Variants in WDR62 observed in about 807,000 individuals in gnomAD.
WDR62 encodes WD repeat-containing protein 62.
Under a neutral mutation model 160.6 loss-of-function variants are expected in WDR62, and 112 were observed. That is an observed-to-expected ratio of 0.70 (90% CI 0.60 to 0.82). The LOEUF is 0.82. Ranked by LOEUF, WDR62 falls within the 40% of genes least tolerant of loss-of-function variation. The probability of loss-of-function intolerance (pLI) is 0.00; values close to 1 mark genes in which losing one functional copy is unlikely to be tolerated. For synonymous variants in WDR62, 792 were observed against 815.1 expected, an observed-to-expected ratio of 0.97 and a Z score of 0.48; for missense variants, 1,819 against 1,983.8, an observed-to-expected ratio of 0.92 and a Z score of 1.58.
chr19:36,084,860 G>A (rs1226574073), intron 12 of WDR62, 116 bp downstream of exon 12: 1 of 996,338 alleles, frequency 1.0e-6, no homozygotes, highest in East Asian at 2.5e-5. Flanking sequence ...TGGGAGTTTT[G>A]TGTTCGGTAA....
At chr19:36,059,930 TC>T in intron 2 of WDR62, 37 bp from the exon 3 acceptor site, 1 of 1,611,110 alleles carries the variant, frequency 6.2e-7, no homozygotes, top group Non-Finnish European at 8.5e-7. Flanking sequence ...ACCCCAACAC[TC>T]CCCACAGTTG....
chr19:36,104,931 C>T lies in WDR62; in HGVS notation c.4475C>T (p.Thr1492Met), dbSNP rs781488619. 4.7e-5 allele frequency: 76 copies of T among 1,608,784 alleles called. No individual in the cohort carries two copies. The South Asian group carries it at 6.4e-4, about 14-fold the overall frequency. ...LPSPGPPSPP[T>M]LYPLASPDLQ... is the part of the protein sequence containing the mutation. The stretch of plus-strand genomic sequence containing the variant: ...AGCCCAGGACCCCCGTCCCCACCGA[C>T]GCTGTACCCCCTGGCCAGCCCAGAC... The change falls in exon 32 of 32, where the codon ACG becomes ATG. Residue 1492 changes from threonine (T) to methionine (M), a missense_variant. Transcript: ENST00000401500.
chr19:36,093,959 G>A, intron 19 of WDR62, 72 bp from the exon 20 acceptor site: 3 of 1,590,154 alleles, frequency 1.9e-6, no homozygotes, highest in South Asian at 1.1e-5. Flanking sequence ...ACAGGGCCCA[G>A]CCCTAGGCAA....
intron 3 of WDR62, chr19:36,061,948 C>CT (rs113899978): frequency 0.012 from 1,764 of 145,174 alleles, 44 homozygotes; most frequent in African/African-American, 0.041. Context: ...GCTTTTTTTT[C>CT]TTTTTTTTTT....
rs587784554 is a variant in WDR62 at position 36,102,854 on chromosome 19, A to G, written c.3335+3A>G. The G allele has an allele frequency of 2.5e-5, 40 of 1,614,072 alleles. No individual in the cohort carries two copies. Among genetic ancestry groups the G allele is most frequent in the Non-Finnish European group, 3.4e-5 (40 of 1,180,020 alleles). ...TCAAGCCTCCAGAAGGCATCCAGGT[A>G]GAAGCTGGCCAAGCACTGCCCACCC... On this transcript the variant is annotated splice_donor_region_variant and intron_variant, in intron 27 of 31. Coordinates refer to ENST00000401500, the MANE Select transcript of WDR62 (RefSeq NM_001083961.2).
Position 36,103,631 on chromosome 19 carries a change from T to C in WDR62, c.3803T>C (p.Ile1268Thr). ...LASLGQELQA[I>T]TTATTPSLDS... is the part of the protein sequence containing the mutation. ...TCCTTGGGCCAGGAGCTTCAGGCCA[T>C]CACCACCGCGACAACACCCAGTTTG... Residue 1268 changes from isoleucine to threonine, a missense_variant, in exon 30 of 32, where the codon ATC becomes ACC. Around this residue, in one of 3 missense-constraint regions of WDR62, gnomAD observed 770 missense variants for 734.2 expected, o/e 1.05. Coordinates refer to ENST00000401500, the MANE Select transcript of WDR62 (RefSeq NM_001083961.2). 1 of 1,609,014 alleles carries C rather than the reference T, an allele frequency of 6.2e-7. No individual in the cohort carries two copies. Among genetic ancestry groups the C allele is most frequent in the Non-Finnish European group, 8.5e-7 (1 of 1,179,222 alleles).
intron 6 of WDR62, 99 bp downstream of exon 6, chr19:36,067,542 C>G (rs1057452697): frequency 6.4e-7 from 1 of 1,568,836 alleles, no homozygotes; most frequent in African/African-American, 1.3e-5. Flanking sequence ...GGGCAGCGGT[C>G]TCGGGCCATT....
At chr19:36,107,920 C>T (rs1973743053), downstream of WDR62, among the ~76,000 whole-genome samples, 1 of 152,108 alleles carries the variant, frequency 6.6e-6, no homozygotes, top group South Asian at 2.1e-4. Flanking sequence ...AGAAAGATGA[C>T]AGCATGCTTA....
chr19:36,101,451 C>A, intron 24 of WDR62, 134 bp downstream of exon 24: 2 of 914,210 alleles, frequency 2.2e-6, no homozygotes, highest in Non-Finnish European at 3.5e-6. Context: ...GTCCCTGCTG[C>A]TGCCTGAGGA....
Position 36,099,300 on chromosome 19 carries a change from G to A in WDR62, c.2521-99G>A. The A allele has an allele frequency of 5.7e-6, 5 of 883,266 alleles. No individual in the cohort carries two copies. In the South Asian group the frequency reaches 6.9e-5, roughly 12 times the overall value. The allele number at this position is 883,266 out of a possible 1,614,324, so 54.7% of individuals were successfully genotyped here. A position where few individuals can be genotyped will look rare whatever the true frequency, so the allele number is the denominator to read the frequency against. Reference sequence around the variant, plus strand: ...CTGGAAGTTGTTTCTGAATGGTATTGAAAGCCAAGAGTCCAGATGGGCTGT... The same window carrying A: ...CTGGAAGTTGTTTCTGAATGGTATTAAAAGCCAAGAGTCCAGATGGGCTGT... On this transcript the variant is annotated intron_variant, in intron 21 of 31. Coordinates refer to ENST00000401500, the MANE Select transcript of WDR62 (RefSeq NM_001083961.2).
intron 21 of WDR62, 54 bp from the exon 22 acceptor site, chr19:36,099,345 C>T (rs944048085): frequency 1.2e-4 from 188 of 1,507,718 alleles, no homozygotes; most frequent in Non-Finnish European, 1.6e-4. Flanking sequence ...CCGTGTCGCT[C>T]CCTGCAGTGA....
In WDR62 at chr19:36,103,359, C is replaced by T. The variant is rs140772267; in HGVS notation, c.3531C>T (p.Ser1177=). ...CCGTTACAGCTCCCTGCCTTACGAG[C>T]CTGGCGTCCTGTGTCCCTGCTTCCT... ...AWRPPPPCLT[S]LASCVPASSV... is the part of the protein sequence containing the mutation. The change falls in exon 30 of 32, where the codon AGC becomes AGT. Residue 1177 remains serine, a synonymous_variant. Coordinates refer to ENST00000401500, the MANE Select transcript of WDR62 (RefSeq NM_001083961.2). The T allele has an allele frequency of 1.1e-5, 18 of 1,614,068 alleles. No individual in the cohort carries two copies. The highest frequency in any genetic ancestry group is 3.3e-5 in the South Asian group (3 of 91,084).
chr19:36,072,271 G>A (rs1355789460), intron 8 of WDR62, among the ~76,000 whole-genome samples: 2 of 152,218 alleles, frequency 1.3e-5, no homozygotes, highest in Non-Finnish European at 2.9e-5. Flanking sequence ...GAGCTGCTGT[G>A]TGGAGAGCTG....
Position 36,101,750 on chromosome 19 carries a change from G to C in WDR62, c.3058G>C (p.Ala1020Pro). Reference protein sequence around the residue: ...APPPDPAPRFATSLPHFPGCA... With the variant: ...APPPDPAPRFPTSLPHFPGCA... Reference sequence around the variant, plus strand: ...GCCTCCTGACCCTGCCCCTCGGTTTGCCACGTCGCTGCCCCATTTCCCAGG... The same window carrying C: ...GCCTCCTGACCCTGCCCCTCGGTTTCCCACGTCGCTGCCCCATTTCCCAGG... The change falls in exon 25 of 32, where the codon GCC becomes CCC. Residue 1020 changes from alanine to proline, a missense_variant. Transcript: ENST00000401500. 6.4e-7 allele frequency: 1 copy of C among 1,551,992 alleles called. No individual in the cohort carries two copies. The highest frequency in any genetic ancestry group is 2.4e-5 in the East Asian group (1 of 40,954).
rs557081486 is a variant in WDR62, at chr19:36,067,371, C to T, written c.627C>T (p.Asp209=). 2.5e-6 allele frequency: 4 copies of T among 1,614,236 alleles called. No homozygotes were observed. Among genetic ancestry groups the T allele is most frequent in the South Asian group, 2.2e-5 (2 of 91,084 alleles). The change falls in exon 6 of 32, where the codon GAC becomes GAT. Residue 209 remains aspartate, a synonymous_variant. Transcript: ENST00000401500. ...TCATTGCCCTCTCCTTCTCAGAGGA[C>T]AGCAGCTATTTTGTCACTGTTGGGA... ...CRVIALSFSE[D]SSYFVTVGNR... is the part of the protein sequence containing the mutation.
chr19:36,110,335 G>A, the WDR62 span, among the ~76,000 whole-genome samples: 1 of 152,116 alleles, frequency 6.6e-6, no homozygotes, highest in East Asian at 1.9e-4. Context: ...GCCCGGTGTG[G>A]TGGTGCATGC....
At chr19:36,066,681 G>A (rs901409040) in intron 5 of WDR62, among the ~76,000 whole-genome samples, 2 of 152,196 alleles carry the variant, frequency 1.3e-5, no homozygotes, top group African/African-American at 4.8e-5. Context: ...CTGTGAGTCT[G>A]TTTCCTCCTC....
chr19:36,054,992 A>T lies in WDR62; in HGVS notation c.21A>T (p.Gly7=), dbSNP rs770796073. 7 of 1,605,784 alleles carry T rather than the reference A, an allele frequency of 4.4e-6. No homozygotes were observed. In the East Asian group the frequency reaches 1.6e-4, roughly 36 times the overall value. The change falls in exon 1 of 32, where the codon GGA becomes GGT. Residue 7 remains glycine, a synonymous_variant. Transcript: ENST00000401500. The stretch of plus-strand genomic sequence containing the variant: ...TGACGATGGCGGCCGTAGGGTCCGG[A>T]GGCTATGCGCGGAACGATGCAGGGG... MAAVGS[G]GYARNDAGEK...
At position 36,059,981 on chromosome 19, in the gene WDR62, A is replaced by AT; in HGVS notation, c.287dup (p.Leu96PhefsTer13). 1 of 1,614,104 alleles carries AT rather than the reference A, an allele frequency of 6.2e-7. No homozygotes were observed. The highest frequency in any genetic ancestry group is 1.3e-5 in the African/African-American group (1 of 75,016). ...CTTTCTTCCCAGCTGTGTGGTGGTGATTTTGGACCCCAAGGAGAACAAGCA... is the reference window on the plus strand; with the variant it reads ...CTTTCTTCCCAGCTGTGTGGTGGTGATTTTTGGACCCCAAGGAGAACAAGCA... On this transcript the variant is annotated frameshift_variant, in exon 3 of 32. Coordinates refer to ENST00000401500, the MANE Select transcript of WDR62 (RefSeq NM_001083961.2). LOFTEE classifies it high-confidence loss of function.
Sources: allele counts gnomAD v4.1 joint callset (sites outside exome capture counted in the v4.1 genomes callset), GRCh38; gene constraint gnomAD v4.1.1; regional missense constraint gnomAD v4.1.1; transcripts MANE v1.5; gene names NCBI Gene and HGNC (gene_info 2026-07-23, HGNC 2026-07-21).